The following GPBP1 variants were observed in gnomAD, a reference collection of about 807,000 sequenced individuals.
GPBP1 encodes GC-rich promoter binding protein 1.
Under a neutral mutation model 56.5 loss-of-function variants are expected in GPBP1, and 13 were observed. The observed-to-expected ratio is 0.23, with a 90% CI of 0.15 to 0.37. The LOEUF is 0.37. Ranked by LOEUF, GPBP1 falls within the 10% of genes least tolerant of loss-of-function variation. GPBP1 has a pLI of 1.00. For missense variants in GPBP1, 477 were observed against 572.3 expected (o/e 0.83, Z 1.70); for synonymous variants, 204 against 188.9 (o/e 1.08, Z -0.66).
At chr5:57,233,200 T>C (rs1320327197) in intron 5 of GPBP1, among the ~76,000 whole-genome samples, 1 of 152,126 alleles carries the variant, frequency 6.6e-6, no homozygotes, top group Non-Finnish European at 1.5e-5. Flanking sequence ...TTGGATATGA[T>C]TTGGAAGTAT....
intron 2 of GPBP1, among the ~76,000 whole-genome samples, chr5:57,213,048 T>C (rs770468383): frequency 6.6e-6 from 1 of 151,810 alleles, no homozygotes; most frequent in Non-Finnish European, 1.5e-5. Context: ...TTTGAGTATA[T>C]GTCTTTTTTT....
At chr5:57,233,067 C>T (rs1756526322) in intron 5 of GPBP1, among the ~76,000 whole-genome samples, 1 of 152,138 alleles carries the variant, frequency 6.6e-6, no homozygotes, top group Non-Finnish European at 1.5e-5. Context: ...AGAGAGGAGT[C>T]ACGTGATGCA....
At chr5:57,197,349 A>G (rs1410824037) in intron 2 of GPBP1, among the ~76,000 whole-genome samples, 1 of 146,312 alleles carries the variant, frequency 6.8e-6, no homozygotes. Context: ...TTGTAAAAGA[A>G]TATCATTTTG....
rs1561348209 is a variant in GPBP1, at chr5:57,219,394, AAAAAAAAAAC to A, written c.63+5202_63+5211del. ...CTGTCTCAAAAAAAAAAAAAAAAAA[AAAAAAAAAAC>A]CAAAAACAAACAAACAAAAAAAAAA... On this transcript the variant is annotated intron_variant, in intron 3 of 11. Coordinates refer to ENST00000506184, the MANE Select transcript of GPBP1 (RefSeq NM_022913.4). 3.4e-4 allele frequency among the ~76,000 whole-genome samples: 20 copies of A among 58,578 alleles called. 3 individuals are homozygous for A. Among genetic ancestry groups the A allele is most frequent in the African/African-American group, 2.2e-3 (18 of 8,010 alleles). 38.4% of individuals were successfully genotyped at this position (58,578 alleles called of 152,430 possible).
At chr5:57,200,109 C>T (rs1420335858) in intron 2 of GPBP1, among the ~76,000 whole-genome samples, 1 of 144,110 alleles carries the variant, frequency 6.9e-6, no homozygotes, top group Non-Finnish European at 1.5e-5. Flanking sequence ...TGCCTCACCT[C>T]ACCTTGCCTC....
At chr5:57,177,372 C>T (rs1036799938) in intron 2 of GPBP1, among the ~76,000 whole-genome samples, 4 of 151,544 alleles carry the variant, frequency 2.6e-5, no homozygotes, top group East Asian at 1.9e-4. Flanking sequence ...TTTTTTTTCT[C>T]TTTGACTAAT....
chr5:57,203,983 T>C (rs890675750), intron 2 of GPBP1, among the ~76,000 whole-genome samples: 1 of 152,194 alleles, frequency 6.6e-6, no homozygotes, highest in African/African-American at 2.4e-5. Flanking sequence ...ATAGGGCATT[T>C]ACCATCCTTA....
chr5:57,208,142 C>G (rs1755315590), intron 2 of GPBP1, among the ~76,000 whole-genome samples: 1 of 152,154 alleles, frequency 6.6e-6, no homozygotes, highest in Admixed American at 6.5e-5. Flanking sequence ...CTTCCCAGCG[C>G]TTGCCTGCAC....
In GPBP1 at chr5:57,219,404, CCAAAAACAAACAAA is replaced by C. The variant is rs1755842466; in HGVS notation, c.63+5218_63+5231del. Among the ~76,000 whole-genome samples the C allele has an allele frequency of 1.2e-4, 3 of 25,144 alleles. 1 individual carries two copies. The highest frequency in any genetic ancestry group is 7.3e-4 in the African/African-American group (3 of 4,112). The allele number at this position is 25,144 out of a possible 152,430, so 16.5% of individuals were successfully genotyped here. On this transcript the variant is annotated intron_variant, in intron 3 of 11. Transcript: ENST00000506184. Reference sequence around the variant, plus strand: ...AAAAAAAAAAAAAAAAAAAAAAAAACCAAAAACAAACAAACAAAAAAAAAAACAACAAAACCACA... The same window carrying C: ...AAAAAAAAAAAAAAAAAAAAAAAAACCAAAAAAAAAAACAACAAAACCACA...
At chr5:57,175,325 C>T in intron 1 of GPBP1, 123 bp from the exon 2 acceptor site, 2 of 383,980 alleles carry the variant, frequency 5.2e-6, no homozygotes, top group Non-Finnish European at 9.2e-6. Context: ...AGCCCTTTTC[C>T]AGGCTCCTGT....
intron 5 of GPBP1, among the ~76,000 whole-genome samples, chr5:57,234,832 C>T (rs1756598370): frequency 6.6e-6 from 1 of 151,990 alleles, no homozygotes; most frequent in Admixed American, 6.6e-5. Context: ...CTCAGTCCTA[C>T]AGCTACAAGA....
At chr5:57,209,568 G>A (rs1755386268) in intron 2 of GPBP1, among the ~76,000 whole-genome samples, 2 of 152,226 alleles carry the variant, frequency 1.3e-5, no homozygotes, top group Middle Eastern at 3.4e-3. Context: ...TCTTGTTCCT[G>A]ATCTTAAGGG....
chr5:57,261,322 C>T (rs1336729612), intron 11 of GPBP1, 40 bp downstream of exon 11: 1 of 1,093,952 alleles, frequency 9.1e-7, no homozygotes, highest in East Asian at 2.4e-5. Flanking sequence ...TTTTAAACTG[C>T]CCTTATTTAG....
chr5:57,208,538 G>A (rs1755335398), intron 2 of GPBP1, among the ~76,000 whole-genome samples: 1 of 151,798 alleles, frequency 6.6e-6, no homozygotes, highest in Non-Finnish European at 1.5e-5. Context: ...CTGGCCGGGT[G>A]TTGGAATTTT....
At chr5:57,220,444 T>C (rs1407462367) in intron 3 of GPBP1, among the ~76,000 whole-genome samples, 57 of 151,004 alleles carry the variant, frequency 3.8e-4, no homozygotes, top group Non-Finnish European at 2.9e-5. Context: ...CTTTAGAAAA[T>C]AGTTGACAAT....
At position 57,219,414 on chromosome 5, in the gene GPBP1, A is replaced by C. The variant is rs1561348426; in HGVS notation, c.63+5221A>C. ...AAAAAAAAAAAAAAACCAAAAACAA[A>C]CAAACAAAAAAAAAAACAACAAAAC... On this transcript the variant is annotated intron_variant, in intron 3 of 11. Coordinates refer to ENST00000506184, the MANE Select transcript of GPBP1 (RefSeq NM_022913.4). 4.0e-4 allele frequency among the ~76,000 whole-genome samples: 25 copies of C among 62,194 alleles called. 2 individuals are homozygous for C. The highest frequency in any genetic ancestry group is 2.6e-3 in the African/African-American group (22 of 8,572). The allele number at this position is 62,194 out of a possible 152,430, so 40.8% of individuals were successfully genotyped here. A position where few individuals can be genotyped will look rare whatever the true frequency, so the allele number is the denominator to read the frequency against.
At chr5:57,197,516 C>T (rs1232838915) in intron 2 of GPBP1, among the ~76,000 whole-genome samples, 2 of 147,036 alleles carry the variant, frequency 1.4e-5, no homozygotes, top group Admixed American at 1.3e-4. Context: ...TGCCACCATG[C>T]CCAGCTAAGT....
chr5:57,220,671 GCTGGTCTTGAACTCCTGACCTC>G (rs1340013192), intron 3 of GPBP1, among the ~76,000 whole-genome samples: 1 of 151,834 alleles, frequency 6.6e-6, no homozygotes, highest in Non-Finnish European at 1.5e-5. Context: ...TATTGTCCAG[GCTGGTCTTGAACTCCTGACCTC>G]AGGTGATCAA....
In GPBP1 at chr5:57,176,177, T is replaced by G. The variant is rs982709449; in HGVS notation, c.-281T>G. 55 of 394,472 alleles carry G rather than the reference T, an allele frequency of 1.4e-4. No homozygotes were observed. Among genetic ancestry groups the G allele is most frequent in the African/African-American group, 9.3e-4 (45 of 48,570 alleles). The allele number at this position is 394,472 out of a possible 1,614,324, so 24.4% of individuals were successfully genotyped here. ...TGGAATAATAAAGAAGACTTTGATC[T>G]TAAATCTAAAGAACTTGGCTAATTC... On this transcript the variant is annotated 5_prime_UTR_variant, in exon 2 of 12. Coordinates refer to ENST00000506184, the MANE Select transcript of GPBP1 (RefSeq NM_022913.4).
Sources: allele counts gnomAD v4.1 joint callset (sites outside exome capture counted in the v4.1 genomes callset), GRCh38; gene constraint gnomAD v4.1.1; transcripts MANE v1.5; gene names NCBI Gene and HGNC (gene_info 2026-07-23, HGNC 2026-07-21).